The following ARHGAP31 variants were observed in gnomAD, a reference collection of about 807,000 sequenced individuals.
ARHGAP31 encodes the protein Rho GTPase activating protein 31.
A neutral mutation model predicts 113.9 loss-of-function variants in ARHGAP31; 34 were observed. That is an observed-to-expected ratio of 0.30 (90% CI 0.23 to 0.40). The LOEUF is 0.40. Among genes scored for constraint, ARHGAP31 ranks in the 10% least tolerant of loss-of-function variants. The probability of loss-of-function intolerance (pLI) is 1.00; values close to 1 mark genes in which losing one functional copy is unlikely to be tolerated. For missense variants in ARHGAP31, 1,548 were observed against 1,767.1 expected (o/e 0.88, Z 2.22); for synonymous variants, 650 against 684.8 (o/e 0.95, Z 0.79).
intron 3 of ARHGAP31, among the ~76,000 whole-genome samples, 154 bp downstream of exon 3, chr3:119,368,670 G>T (rs1278486953): frequency 2.0e-5 from 3 of 152,200 alleles, no homozygotes; most frequent in African/African-American, 7.2e-5. Context: ...AAGGAAAATA[G>T]GGTGGTGGAA....
At position 119,316,094 on chromosome 3, in the gene ARHGAP31, C is replaced by T. The variant is rs150395241; in HGVS notation, c.100+21090C>T. Among the ~76,000 whole-genome samples, 407 of 152,262 alleles carry T rather than the reference C, an allele frequency of 2.7e-3. 5 individuals are homozygous for T. Among genetic ancestry groups the T allele is most frequent in the African/African-American group, 9.5e-3 (395 of 41,530 alleles). ...ATGCAAGCTCTATGTACACAGCAGG[C>T]GTGTTTAAAACTCTGGATGGGAATC... is the stretch of plus-strand genomic sequence containing the variant. On this transcript the variant is annotated intron_variant, in intron 1 of 11. Coordinates refer to ENST00000264245, the MANE Select transcript of ARHGAP31 (RefSeq NM_020754.4).
chr3:119,346,031 G>T (rs1199732650), intron 1 of ARHGAP31, among the ~76,000 whole-genome samples: 3 of 152,110 alleles, frequency 2.0e-5, no homozygotes, highest in African/African-American at 7.2e-5. Flanking sequence ...CCCTCTATTG[G>T]GTCCTGTAGC....
chr3:119,373,965 T>C (rs535283845), intron 3 of ARHGAP31, among the ~76,000 whole-genome samples: 1 of 152,350 alleles, frequency 6.6e-6, no homozygotes, highest in Non-Finnish European at 1.5e-5. Context: ...CAATATTATA[T>C]ACAATATCAA....
chr3:119,363,425 A>C (rs1490908286), intron 1 of ARHGAP31, among the ~76,000 whole-genome samples: 1 of 151,692 alleles, frequency 6.6e-6, no homozygotes, highest in African/African-American at 2.4e-5. Flanking sequence ...CGCTGTGCTC[A>C]CTCCTAGGAA....
chr3:119,310,025 T>G (rs947235560), intron 1 of ARHGAP31, among the ~76,000 whole-genome samples: 2 of 151,828 alleles, frequency 1.3e-5, no homozygotes, highest in African/African-American at 4.8e-5. Flanking sequence ...TGAAGTGATA[T>G]GCCCAAAACC....
chr3:119,416,373 G>T lies in ARHGAP31; in HGVS notation c.*109G>T, dbSNP rs2080779574. ...ACGTTATCAAGTTTGGGCCTATTGTGGCCTCTGACTTCTCTTTCTTCAGCC... is the reference window on the plus strand; with the variant it reads ...ACGTTATCAAGTTTGGGCCTATTGTTGCCTCTGACTTCTCTTTCTTCAGCC... On this transcript the variant is annotated 3_prime_UTR_variant, in exon 12 of 12. Coordinates refer to ENST00000264245, the MANE Select transcript of ARHGAP31 (RefSeq NM_020754.4). The T allele has an allele frequency of 8.7e-6, 13 of 1,490,652 alleles. No homozygotes were observed. The highest frequency in any genetic ancestry group is 1.2e-5 in the Non-Finnish European group (13 of 1,088,420). The allele number at this position is 1,490,652 out of a possible 1,614,324, so 92.3% of individuals were successfully genotyped here. A position where few individuals can be genotyped will look rare whatever the true frequency, so the allele number is the denominator to read the frequency against.
intron 11 of ARHGAP31, among the ~76,000 whole-genome samples, chr3:119,411,256 C>T (rs184916154): frequency 6.6e-6 from 1 of 152,048 alleles, no homozygotes; most frequent in African/African-American, 2.4e-5. Flanking sequence ...ATGGGTCATT[C>T]TATTCTGTGT....
chr3:119,361,374 CTTTT>C (rs555396093), intron 1 of ARHGAP31, among the ~76,000 whole-genome samples: 2 of 132,342 alleles, frequency 1.5e-5, no homozygotes, highest in Non-Finnish European at 1.6e-5. Flanking sequence ...TTCAACATTC[CTTTT>C]TTTTTTTTTT....
chr3:119,404,022 T>C (rs2080638621), intron 10 of ARHGAP31, among the ~76,000 whole-genome samples: 1 of 152,164 alleles, frequency 6.6e-6, no homozygotes, highest in Non-Finnish European at 1.5e-5. Context: ...TCCCATTTCC[T>C]TTCAGGATGG....
rs1387170495 is a variant in ARHGAP31 at position 119,399,217 on chromosome 3, G to A, written c.1025G>A (p.Arg342Gln). 2.2e-5 allele frequency: 36 copies of A among 1,613,426 alleles called. No homozygotes were observed. The highest frequency in any genetic ancestry group is 3.0e-5 in the Non-Finnish European group (35 of 1,179,532). The stretch of plus-strand genomic sequence containing the variant: ...TCTTTAGTGGAAAAGGCTACTATCC[G>A]ACCAGCTAAAAGCATGGACTCACTA... ...QRLSVEKATI[R>Q]PAKSMDSLCS... The change falls in exon 9 of 12, where the codon CGA (arginine) becomes CAA (glutamine). Residue 342 changes from arginine (R) to glutamine (Q), a missense_variant. By Grantham distance (43) the Arg-to-Gln change is conservative (BLOSUM62 1). Coordinates refer to ENST00000264245, the MANE Select transcript of ARHGAP31 (RefSeq NM_020754.4).
At chr3:119,314,008 TC>T (rs1260917465) in intron 1 of ARHGAP31, among the ~76,000 whole-genome samples, 2 of 152,068 alleles carry the variant, frequency 1.3e-5, no homozygotes, top group African/African-American at 4.8e-5. Flanking sequence ...AAACACCAAC[TC>T]CATCAACACC....
At chr3:119,358,340 T>G (rs367880517) in intron 1 of ARHGAP31, among the ~76,000 whole-genome samples, 1 of 152,160 alleles carries the variant, frequency 6.6e-6, no homozygotes, top group African/African-American at 2.4e-5. Flanking sequence ...ATAAAAAAGA[T>G]AGACAACAAG....
At chr3:119,390,737 T>C in intron 6 of ARHGAP31, 48 bp from the exon 7 acceptor site, 1 of 1,578,070 alleles carries the variant, frequency 6.3e-7, no homozygotes, top group Non-Finnish European at 8.7e-7. Context: ...TGGATGGATG[T>C]GATGGGCAGG....
At chr3:119,348,163 G>A (rs2080077388) in intron 1 of ARHGAP31, among the ~76,000 whole-genome samples, 1 of 152,208 alleles carries the variant, frequency 6.6e-6, no homozygotes, top group African/African-American at 2.4e-5. Context: ...ACAGGCAATG[G>A]ATCTAGGTTG....
chr3:119,402,402 G>C lies in ARHGAP31; in HGVS notation c.1645+5G>C. 3 of 1,612,110 alleles carry C rather than the reference G, an allele frequency of 1.9e-6. No homozygotes were observed. Among genetic ancestry groups the C allele is most frequent in the Non-Finnish European group, 2.5e-6 (3 of 1,179,068 alleles). ...TGGGAGCTGAGACTTCTGCAGGTAA[G>C]TAGAGGAGAGAGGGTATCTTTCCGT... is the stretch of plus-strand genomic sequence containing the variant. On this transcript the variant is annotated splice_donor_5th_base_variant and intron_variant, in intron 10 of 11. Transcript: ENST00000264245.
At chr3:119,376,284 T>C (rs1342220208) in intron 3 of ARHGAP31, among the ~76,000 whole-genome samples, 2 of 152,094 alleles carry the variant, frequency 1.3e-5, no homozygotes, top group African/African-American at 2.4e-5. Flanking sequence ...AGGTCAGTAG[T>C]TTGAGATCAG....
At chr3:119,382,195 A>T in intron 4 of ARHGAP31, 97 bp from the exon 5 acceptor site, 1 of 1,112,754 alleles carries the variant, frequency 9.0e-7, no homozygotes, top group Non-Finnish European at 1.4e-6. Flanking sequence ...AGAAATATTT[A>T]GAGTCTCTTA....
intron 1 of ARHGAP31, among the ~76,000 whole-genome samples, chr3:119,360,219 T>C (rs2080193949): frequency 6.6e-6 from 1 of 152,216 alleles, no homozygotes; most frequent in African/African-American, 2.4e-5. Context: ...ACTCACAGGC[T>C]TTATCACTCC....
intron 7 of ARHGAP31, among the ~76,000 whole-genome samples, chr3:119,392,095 T>C (rs546679381): frequency 1.3e-5 from 2 of 152,162 alleles, no homozygotes; most frequent in South Asian, 2.1e-4. Flanking sequence ...CTTGACAAAA[T>C]GTGGGCCAAG....
Sources: allele counts gnomAD v4.1 joint callset (sites outside exome capture counted in the v4.1 genomes callset), GRCh38; gene constraint gnomAD v4.1.1; transcripts MANE v1.5; gene names NCBI Gene and HGNC (gene_info 2026-07-23, HGNC 2026-07-21).